The following ATXN1 variants were observed in gnomAD, a reference collection of about 807,000 sequenced individuals.
The protein encoded by ATXN1 is ataxin 1.
A neutral mutation model predicts 56.4 loss-of-function variants in ATXN1; 8 were observed. The observed-to-expected ratio is 0.14, with a 90% confidence interval of 0.08 to 0.26. ATXN1 has a LOEUF of 0.26. Among genes scored for constraint, ATXN1 ranks in the 10% least tolerant of loss-of-function variants. The pLI is 1.00. For synonymous variants in ATXN1, 514 were observed against 494.6 expected (o/e 1.04, Z -0.52); for missense variants, 987 against 1,106.5 (o/e 0.89, Z 1.53).
rs927418930 is a variant in ATXN1 at position 16,340,952 on chromosome 6, A to G, written c.-160-12482T>C. ...TGGAAATCTCCCCAATGGCACATAC[A>G]TGTAAGAAGCACTGAGTGGATCAAT... On this transcript the variant is annotated intron_variant, in intron 6 of 7. Coordinates refer to ENST00000436367, the MANE Select transcript of ATXN1 (RefSeq NM_001128164.2). Among the ~76,000 whole-genome samples, 59 of 152,340 alleles carry G rather than the reference A, an allele frequency of 3.9e-4. 1 individual carries two copies. Among genetic ancestry groups the G allele is most frequent in the African/African-American group, 1.4e-3 (57 of 41,572 alleles).
intron 4 of ATXN1, among the ~76,000 whole-genome samples, chr6:16,550,637 G>T (rs754762707): frequency 2.0e-5 from 3 of 152,124 alleles, no homozygotes; most frequent in Non-Finnish European, 2.9e-5. Context: ...AAAAGAAACT[G>T]AAGCTCAAAA....
At chr6:16,517,759 C>T (rs1268861750) in intron 5 of ATXN1, among the ~76,000 whole-genome samples, 1 of 152,178 alleles carries the variant, frequency 6.6e-6, no homozygotes, top group Non-Finnish European at 1.5e-5. Flanking sequence ...CACACATGCA[C>T]ACTCACCTAC....
chr6:16,536,546 T>C (rs911042898), intron 4 of ATXN1, among the ~76,000 whole-genome samples: 7 of 151,830 alleles, frequency 4.6e-5, no homozygotes, highest in Non-Finnish European at 1.0e-4. Flanking sequence ...CATAGAAGAG[T>C]TTCCCAGGAA....
At position 16,306,783 on chromosome 6, in the gene ATXN1, G is replaced by C; in HGVS notation, c.1994C>G (p.Thr665Ser). ...ACACGGCAAATCAAAGAGCTGGCTG[G>C]TTCTCTCCGGACAGCAGGATGACCA... Reference protein sequence around the residue: ...QGWSSCCPERTSQLFDLPCSK... With the variant: ...QGWSSCCPERSSQLFDLPCSK... Residue 665 changes from threonine to serine, a missense_variant, in exon 8 of 8, where the codon ACC (threonine) becomes AGC (serine). By Grantham distance (58) the Thr-to-Ser change is moderately conservative. This residue lies in a region of ATXN1 where 196 missense variants were observed against 196.7 expected (regional missense o/e 1.00). Transcript: ENST00000436367. The surrounding 1 kb of genome is among the most constrained non-coding windows in gnomAD (Gnocchi z 5.2). The C allele has an allele frequency of 1.2e-6, 2 of 1,614,088 alleles. No homozygotes were observed. Among genetic ancestry groups the C allele is most frequent in the Non-Finnish European group, 1.7e-6 (2 of 1,180,022 alleles).
intron 2 of ATXN1, among the ~76,000 whole-genome samples, chr6:16,751,175 G>A (rs1447331194): frequency 1.3e-5 from 2 of 151,880 alleles, no homozygotes; most frequent in Non-Finnish European, 2.9e-5. Flanking sequence ...CATCATGTTG[G>A]CCAGGCTGGT....
At chr6:16,381,542 T>A (rs1171827397) in intron 6 of ATXN1, among the ~76,000 whole-genome samples, 3 of 152,180 alleles carry the variant, frequency 2.0e-5, no homozygotes, top group South Asian at 4.1e-4. Context: ...CCTGGAAAAA[T>A]ATTACAGGCA....
intron 4 of ATXN1, among the ~76,000 whole-genome samples, chr6:16,565,414 T>C (rs1056772281): frequency 1.3e-5 from 2 of 152,206 alleles, no homozygotes; most frequent in Non-Finnish European, 2.9e-5. Context: ...CTGATAAACA[T>C]GCCAAAATAT....
intron 7 of ATXN1, among the ~76,000 whole-genome samples, chr6:16,317,897 C>A (rs1167816708): frequency 1.3e-5 from 2 of 152,202 alleles, no homozygotes; most frequent in African/African-American, 4.8e-5. Context: ...GACAGGGAGA[C>A]AACACCGACT....
In ATXN1 at chr6:16,326,403, G is replaced by C; in HGVS notation, c.1908C>G (p.His636Gln). ...VAVIQFAVGE[H>Q]RAQVSVEVLV... ...CCCTGGCTAACGTTACCTGGGCTCG[G>C]TGCTCCCCGACGGCGAACTGTATCA... Residue 636 changes from histidine to glutamine, a missense_variant, in exon 7 of 8, where the codon CAC becomes CAG. Around this residue, in one of 3 missense-constraint regions of ATXN1, gnomAD observed 68 missense variants for 118.1 expected, o/e 0.58. Coordinates refer to ENST00000436367, the MANE Select transcript of ATXN1 (RefSeq NM_001128164.2). The surrounding 1 kb of genome is among the most constrained non-coding windows in gnomAD (Gnocchi z 6.6). 6.2e-7 allele frequency: 1 copy of C among 1,613,286 alleles called. No individual in the cohort carries two copies. Among genetic ancestry groups the C allele is most frequent in the Non-Finnish European group, 8.5e-7 (1 of 1,179,586 alleles).
intron 6 of ATXN1, among the ~76,000 whole-genome samples, chr6:16,431,481 A>G (rs1003646189): frequency 1.3e-5 from 2 of 152,224 alleles, no homozygotes; most frequent in Non-Finnish European, 2.9e-5. Context: ...AAATTCTCCA[A>G]GTACATTTTA....
At chr6:16,569,213 G>C (rs935798173) in intron 4 of ATXN1, among the ~76,000 whole-genome samples, 32 of 152,082 alleles carry the variant, frequency 2.1e-4, no homozygotes, top group African/African-American at 7.7e-4. Flanking sequence ...GACCCGGGTG[G>C]TTTAAAAGAT....
At chr6:16,602,772 A>G (rs1434512961) in intron 3 of ATXN1, among the ~76,000 whole-genome samples, 1 of 152,058 alleles carries the variant, frequency 6.6e-6, no homozygotes, top group African/African-American at 2.4e-5. Flanking sequence ...CTGAACGGGG[A>G]AAGAGGATAA....
At chr6:16,360,156 A>G (rs906877218) in intron 6 of ATXN1, among the ~76,000 whole-genome samples, 1 of 152,232 alleles carries the variant, frequency 6.6e-6, no homozygotes, top group African/African-American at 2.4e-5. Flanking sequence ...AAGAATGGCC[A>G]TTGGATTAGA....
chr6:16,560,480 G>A (rs555143486), intron 4 of ATXN1, among the ~76,000 whole-genome samples: 1 of 152,074 alleles, frequency 6.6e-6, no homozygotes, highest in Non-Finnish European at 1.5e-5. Context: ...AAAGACTATA[G>A]TGAGCTCATC....
At chr6:16,618,659 T>C (rs1283415941) in intron 3 of ATXN1, among the ~76,000 whole-genome samples, 1 of 150,308 alleles carries the variant, frequency 6.7e-6, no homozygotes, top group African/African-American at 2.5e-5. Flanking sequence ...GAGGCGGAGG[T>C]TGCAGTGAGC....
At chr6:16,574,790 T>C (rs1444966960) in intron 4 of ATXN1, among the ~76,000 whole-genome samples, 3 of 151,420 alleles carry the variant, frequency 2.0e-5, no homozygotes, top group Admixed American at 6.6e-5. Flanking sequence ...GTAGGGTGTA[T>C]TAGGATTTCA....
intron 3 of ATXN1, among the ~76,000 whole-genome samples, chr6:16,635,573 C>T (rs1763581155): frequency 6.6e-6 from 1 of 152,142 alleles, no homozygotes; most frequent in Non-Finnish European, 1.5e-5. Flanking sequence ...CTGACAAGGG[C>T]TCAGACAGCT....
chr6:16,317,282 C>G (rs1399820026), intron 7 of ATXN1, among the ~76,000 whole-genome samples: 1 of 151,784 alleles, frequency 6.6e-6, no homozygotes, highest in Non-Finnish European at 1.5e-5. Flanking sequence ...TTTCAAACAC[C>G]CTAAGCAGTA....
At chr6:16,353,011 C>A (rs1761603394) in intron 6 of ATXN1, among the ~76,000 whole-genome samples, 1 of 152,058 alleles carries the variant, frequency 6.6e-6, no homozygotes, top group Non-Finnish European at 1.5e-5. Context: ...GGGAGCGCTG[C>A]GCAGCGGACA....
Sources: allele counts gnomAD v4.1 joint callset (sites outside exome capture counted in the v4.1 genomes callset), GRCh38; gene constraint gnomAD v4.1.1; regional missense constraint gnomAD v4.1.1; non-coding constraint Gnocchi (gnomAD v3.1); transcripts MANE v1.5; gene names NCBI Gene and HGNC (gene_info 2026-07-23, HGNC 2026-07-21).